Variants in ROBO1 observed in about 807,000 individuals in gnomAD.
The protein encoded by ROBO1 is roundabout homolog 1.
Under a neutral mutation model 195.9 loss-of-function variants are expected in ROBO1, and 149 were observed. The observed-to-expected ratio is 0.76, with a 90% confidence interval of 0.67 to 0.87. The LOEUF is 0.87. Ranked by LOEUF, ROBO1 falls within the 40% of genes least tolerant of loss-of-function variation. ROBO1 has a pLI of 0.00. For missense variants in ROBO1, 1,933 were observed against 2,068.3 expected, an observed-to-expected ratio of 0.93 and a Z score of 1.27; for synonymous variants, 816 against 733.2, an observed-to-expected ratio of 1.11 and a Z score of -1.82.
chr3:79,232,839 G>T (rs2082344271), intron 2 of ROBO1, among the ~76,000 whole-genome samples: 1 of 152,094 alleles, frequency 6.6e-6, no homozygotes, highest in Admixed American at 6.6e-5. Context: ...AAAGTTACTT[G>T]AAGGTACAAT....
intron 2 of ROBO1, among the ~76,000 whole-genome samples, chr3:79,402,595 C>T (rs1233424907): frequency 6.6e-6 from 1 of 151,872 alleles, no homozygotes; most frequent in African/African-American, 2.4e-5. Context: ...TAAATCTTTA[C>T]AATTTGTGTG....
chr3:78,898,155 A>T (rs2037352735), intron 4 of ROBO1, among the ~76,000 whole-genome samples: 1 of 149,464 alleles, frequency 6.7e-6, no homozygotes, highest in Non-Finnish European at 1.5e-5. Flanking sequence ...ATATATATAT[A>T]TGTTGATTCC....
chr3:78,642,396 T>C (rs1278485561), intron 21 of ROBO1, among the ~76,000 whole-genome samples: 9 of 152,162 alleles, frequency 5.9e-5, no homozygotes, highest in Non-Finnish European at 1.5e-5. Context: ...CAGGAAGCCT[T>C]GTCAGGCTAT....
At chr3:79,502,467 G>C (rs886540993) in intron 2 of ROBO1, among the ~76,000 whole-genome samples, 1 of 152,112 alleles carries the variant, frequency 6.6e-6, no homozygotes, top group Non-Finnish European at 1.5e-5. Flanking sequence ...CTCGGGACCT[G>C]TAGCCCGCCA....
chr3:79,506,411 C>G (rs1023763469), intron 2 of ROBO1, among the ~76,000 whole-genome samples: 16 of 151,702 alleles, frequency 1.1e-4, no homozygotes, highest in African/African-American at 3.9e-4. Context: ...TCATCAGATG[C>G]CAACAGTAAG....
At chr3:79,313,620 G>C (rs887060567) in intron 2 of ROBO1, among the ~76,000 whole-genome samples, 1 of 152,138 alleles carries the variant, frequency 6.6e-6, no homozygotes, top group African/African-American at 2.4e-5. Context: ...TTTCAATTAT[G>C]AGTTATGTGC....
chr3:78,963,227 G>C (rs895077851), intron 3 of ROBO1, among the ~76,000 whole-genome samples: 1 of 152,002 alleles, frequency 6.6e-6, no homozygotes, highest in Non-Finnish European at 1.5e-5. Flanking sequence ...GAGTTTTCAA[G>C]TTGAGAGAGC....
intron 2 of ROBO1, among the ~76,000 whole-genome samples, chr3:79,406,291 G>A (rs910840988): frequency 5.6e-4 from 85 of 151,480 alleles, no homozygotes; most frequent in African/African-American, 2.1e-3. Context: ...AACCAGGCAT[G>A]ATGGTACATG....
rs1029336369 is a variant in ROBO1 at position 79,667,850 on chromosome 3, C to T, written c.-50-77889G>A. ...ATATCCTTAAAATAACTTACCTTTA[C>T]GTTTAACAATTACATTCCTCCCCAC... On this transcript the variant is annotated intron_variant, in intron 1 of 30. Transcript: ENST00000464233. 4.2e-4 allele frequency among the ~76,000 whole-genome samples: 63 copies of T among 151,634 alleles called. 1 individual carries two copies. Among genetic ancestry groups the T allele is most frequent in the African/African-American group, 1.4e-3 (56 of 41,438 alleles).
chr3:79,308,117 T>C (rs1190892345), intron 2 of ROBO1, among the ~76,000 whole-genome samples: 2 of 152,304 alleles, frequency 1.3e-5, no homozygotes, highest in Non-Finnish European at 2.9e-5. Context: ...TTTGTTTCCT[T>C]AAACATGTTA....
chr3:78,801,006 C>T (rs1239108137), intron 4 of ROBO1, among the ~76,000 whole-genome samples: 2 of 152,164 alleles, frequency 1.3e-5, no homozygotes, highest in African/African-American at 4.8e-5. Flanking sequence ...TTCCACACCA[C>T]TTCAGGTGGC....
intron 2 of ROBO1, among the ~76,000 whole-genome samples, chr3:79,499,148 C>T (rs1338053721): frequency 2.0e-5 from 3 of 152,086 alleles, no homozygotes; most frequent in African/African-American, 7.2e-5. Context: ...GCACGCACCA[C>T]CACGCTCAGC....
intron 4 of ROBO1, among the ~76,000 whole-genome samples, chr3:78,917,017 C>T (rs528777261): frequency 6.6e-6 from 1 of 151,828 alleles, no homozygotes; most frequent in South Asian, 2.1e-4. Context: ...TCATTATGAG[C>T]TCTCAAGCTA....
chr3:78,794,121 T>C (rs907310986), intron 4 of ROBO1, among the ~76,000 whole-genome samples: 3 of 152,194 alleles, frequency 2.0e-5, no homozygotes, highest in African/African-American at 7.2e-5. Context: ...GGAGGTCATA[T>C]GGTACACTGG....
At chr3:79,598,890 C>T (rs546293073) in intron 1 of ROBO1, among the ~76,000 whole-genome samples, 25 of 152,178 alleles carry the variant, frequency 1.6e-4, no homozygotes, top group African/African-American at 4.6e-4. Flanking sequence ...CCTGCAACAT[C>T]CTAGCTAACC....
At chr3:78,629,552 T>C (rs1314218253) in intron 25 of ROBO1, among the ~76,000 whole-genome samples, 1 of 151,948 alleles carries the variant, frequency 6.6e-6, no homozygotes, top group Non-Finnish European at 1.5e-5. Flanking sequence ...TAAACTTAGC[T>C]GGGTGCTGTG....
chr3:79,576,986 C>T (rs114845159), intron 2 of ROBO1, among the ~76,000 whole-genome samples: 1 of 152,090 alleles, frequency 6.6e-6, no homozygotes, highest in Admixed American at 6.5e-5. Flanking sequence ...TCATCAAACT[C>T]CTTGTTTCTT....
At chr3:79,108,731 G>A (rs927981727) in intron 3 of ROBO1, among the ~76,000 whole-genome samples, 2 of 151,734 alleles carry the variant, frequency 1.3e-5, no homozygotes, top group African/African-American at 2.4e-5. Context: ...AATAGACAAA[G>A]TCTCTTCAGA....
chr3:79,031,165 T>C (rs942233994), intron 3 of ROBO1, among the ~76,000 whole-genome samples: 1 of 152,228 alleles, frequency 6.6e-6, no homozygotes, highest in Non-Finnish European at 1.5e-5. Flanking sequence ...AACATTTATA[T>C]GGTGATAATT....
Sources: gnomAD v4.1 joint callset for allele counts (sites outside exome capture counted in the v4.1 genomes callset) on GRCh38, gnomAD v4.1.1 for gene constraint, MANE v1.5 for transcripts, NCBI Gene and HGNC (gene_info 2026-07-23, HGNC 2026-07-21) for gene names.